Variants in DTNA observed in about 807,000 individuals in gnomAD.
DTNA encodes the protein dystrophin-related protein 3.
DTNA carries 43 observed loss-of-function variants against 100.7 expected under a neutral mutation model. That is an observed-to-expected ratio of 0.43 (90% CI 0.33 to 0.55). The LOEUF (loss-of-function observed/expected upper bound fraction) is 0.55, where lower values mean the gene tolerates loss of function less well. Among genes scored for constraint, DTNA ranks in the 20% least tolerant of loss-of-function variants. DTNA has a pLI of 0.04. For missense variants in DTNA, 798 were observed against 953.9 expected (o/e 0.84, Z 2.15); for synonymous variants, 349 against 347.9 (o/e 1.00, Z -0.04).
At chr18:34,841,622 A>G (rs989936303) in intron 13 of DTNA, among the ~76,000 whole-genome samples, 2 of 152,168 alleles carry the variant, frequency 1.3e-5, no homozygotes, top group African/African-American at 4.8e-5. Flanking sequence ...TCATAGTCCT[A>G]GAAGGTTGGA....
chr18:34,540,211 A>G (rs2044116461), intron 1 of DTNA, among the ~76,000 whole-genome samples: 1 of 151,978 alleles, frequency 6.6e-6, no homozygotes, highest in Admixed American at 6.6e-5. Flanking sequence ...TCCCTTTATT[A>G]CAAAAATAAT....
intron 1 of DTNA, 200 bp from the exon 2 acceptor site, chr18:34,755,776 A>G: frequency 1.8e-6 from 1 of 554,712 alleles, no homozygotes; most frequent in Non-Finnish European, 3.2e-6. Context: ...CCCTCCAACA[A>G]CTACAACAAT....
intron 1 of DTNA, among the ~76,000 whole-genome samples, chr18:34,671,746 CCTTT>C (rs752401503): frequency 1.3e-5 from 2 of 152,054 alleles, no homozygotes; most frequent in Non-Finnish European, 2.9e-5. Context: ...ATCCTTTCTT[CCTTT>C]ATTTCTTCAT....
intron 11 of DTNA, among the ~76,000 whole-genome samples, chr18:34,835,485 G>A (rs1333082285): frequency 6.6e-6 from 1 of 152,128 alleles, no homozygotes; most frequent in African/African-American, 2.4e-5. Flanking sequence ...GAAGGGACCT[G>A]GTTAGAAGAA....
intron 14 of DTNA, among the ~76,000 whole-genome samples, chr18:34,849,305 TCAC>T (rs2096438846): frequency 6.6e-6 from 1 of 151,966 alleles, no homozygotes; most frequent in Non-Finnish European, 1.5e-5. Context: ...ACTCCAGGAG[TCAC>T]TTGAAAGTAA....
chr18:34,515,100 TA>T (rs1254782893), intron 1 of DTNA, among the ~76,000 whole-genome samples: 6 of 152,048 alleles, frequency 3.9e-5, no homozygotes, highest in African/African-American at 1.4e-4. Flanking sequence ...TTGCTCAGAA[TA>T]TTGCAAAACA....
At chr18:34,764,309 T>C (rs967459082) in intron 2 of DTNA, among the ~76,000 whole-genome samples, 1 of 152,190 alleles carries the variant, frequency 6.6e-6, no homozygotes, top group African/African-American at 2.4e-5. Context: ...AAGGAAAAAC[T>C]TGGTGAAACT....
chr18:34,741,985 A>T (rs1411420451), intron 1 of DTNA, among the ~76,000 whole-genome samples: 3 of 152,186 alleles, frequency 2.0e-5, no homozygotes, highest in Non-Finnish European at 2.9e-5. Context: ...CAAAATGAGG[A>T]TAATAACACC....
intron 17 of DTNA, chr18:34,866,998 A>G: frequency 8.2e-7 from 1 of 1,213,810 alleles, no homozygotes; most frequent in Non-Finnish European, 1.0e-6. Flanking sequence ...AAAACAAATT[A>G]AATTAAATTA....
chr18:34,677,402 G>A (rs2077521862), intron 1 of DTNA, among the ~76,000 whole-genome samples: 1 of 151,866 alleles, frequency 6.6e-6, no homozygotes, highest in Non-Finnish European at 1.5e-5. Context: ...AAATTGTCAG[G>A]TACAGGAACA....
chr18:34,691,718 T>G (rs1389614418), intron 1 of DTNA, among the ~76,000 whole-genome samples: 1 of 152,298 alleles, frequency 6.6e-6, no homozygotes, highest in Non-Finnish European at 1.5e-5. Flanking sequence ...GCCATGCTCT[T>G]TGTTCCTTTA....
intron 1 of DTNA, among the ~76,000 whole-genome samples, chr18:34,554,530 T>C (rs1256805300): frequency 2.6e-5 from 4 of 151,548 alleles, no homozygotes; most frequent in African/African-American, 7.3e-5. Flanking sequence ...ATAGCTCTTA[T>C]TATTTTGAAA....
chr18:34,821,215 A>G, intron 9 of DTNA: 2 of 533,738 alleles, frequency 3.7e-6, no homozygotes, highest in Non-Finnish European at 7.1e-6. Flanking sequence ...GAAGTTAACA[A>G]TGGGATCACT....
intron 5 of DTNA, among the ~76,000 whole-genome samples, chr18:34,807,785 A>G (rs1390378761): frequency 1.3e-5 from 2 of 150,774 alleles, no homozygotes; most frequent in East Asian, 2.0e-4. Flanking sequence ...ATTAAAAACT[A>G]TCTACCTCAG....
chr18:34,710,675 AGTGTGTGT>A (rs113472325), intron 1 of DTNA, among the ~76,000 whole-genome samples: 1 of 147,860 alleles, frequency 6.8e-6, no homozygotes, highest in Admixed American at 6.8e-5. Context: ...TGTGTGTGGG[AGTGTGTGT>A]GTGTGTGTGT....
intron 11 of DTNA, among the ~76,000 whole-genome samples, chr18:34,837,617 G>A (rs532081797): frequency 6.6e-6 from 1 of 152,268 alleles, no homozygotes; most frequent in Non-Finnish European, 1.5e-5. Flanking sequence ...AGATCATGTG[G>A]CTTTTGCTTG....
chr18:34,513,198 A>C (rs1468331117), intron 1 of DTNA, among the ~76,000 whole-genome samples: 1 of 152,074 alleles, frequency 6.6e-6, no homozygotes, highest in Non-Finnish European at 1.5e-5. Flanking sequence ...TTGTTATGCT[A>C]ATTTCCATGT....
intron 13 of DTNA, among the ~76,000 whole-genome samples, chr18:34,842,590 A>T (rs1011523309): frequency 6.6e-6 from 1 of 151,962 alleles, no homozygotes; most frequent in African/African-American, 2.4e-5. Context: ...ACATTTAGTC[A>T]TGTCAATTTT....
chr18:34,882,053 T>G lies in DTNA; in HGVS notation c.2163-16T>G. 6.2e-7 allele frequency: 1 copy of G among 1,614,088 alleles called. No homozygotes were observed. ...TTAAGATTTGCTCTAACATGTCATC[T>G]GTGGTTTATTTTCAGGGTTACGGAG... On this transcript the variant is annotated splice_polypyrimidine_tract_variant and intron_variant, in intron 20 of 22. Coordinates refer to ENST00000444659, the MANE Select transcript of DTNA (RefSeq NM_001386795.1).
Sources: gnomAD v4.1 joint callset for allele counts (sites outside exome capture counted in the v4.1 genomes callset) on GRCh38, gnomAD v4.1.1 for gene constraint, MANE v1.5 for transcripts, NCBI Gene and HGNC (gene_info 2026-07-23, HGNC 2026-07-21) for gene names.